Variants in SLC39A11 observed in about 807,000 individuals in gnomAD.
SLC39A11 encodes zinc transporter ZIP11.
SLC39A11 carries 33 observed loss-of-function variants against 36.1 expected under a neutral mutation model. That is an observed-to-expected ratio of 0.91 (90% CI 0.69 to 1.22). SLC39A11 has a LOEUF of 1.22. Among genes scored for constraint, SLC39A11 ranks in the 50% most tolerant of loss-of-function variants. The pLI, the probability that SLC39A11 is intolerant of heterozygous loss-of-function variation, is 0.00. For missense variants in SLC39A11, 432 were observed against 430.3 expected (o/e 1.00, Z -0.03); for synonymous variants, 166 against 170.3 (o/e 0.97, Z 0.20).
chr17:72,772,362 CTTTA>C (rs1393475297), intron 6 of SLC39A11, among the ~76,000 whole-genome samples: 3 of 152,232 alleles, frequency 2.0e-5, no homozygotes, highest in Non-Finnish European at 4.4e-5. Flanking sequence ...CATCTGCACC[CTTTA>C]TTTATCTCGA....
chr17:73,029,119 C>A (rs144362778), intron 4 of SLC39A11, among the ~76,000 whole-genome samples: 6,748 of 25,022 alleles, frequency 0.27, 293 homozygotes, highest in Non-Finnish European at 0.52. Context: ...CGCCGTCACA[C>A]ACACACAAAA....
intron 4 of SLC39A11, among the ~76,000 whole-genome samples, chr17:72,996,276 G>A (rs1352669942): frequency 6.6e-6 from 1 of 152,160 alleles, no homozygotes; most frequent in African/African-American, 2.4e-5. Context: ...TGAACGTTTG[G>A]CCTCAGGTTT....
chr17:72,892,587 C>T (rs1282891410), intron 5 of SLC39A11, among the ~76,000 whole-genome samples: 1 of 151,898 alleles, frequency 6.6e-6, no homozygotes, highest in South Asian at 2.1e-4. Context: ...AGTCTATTTC[C>T]CCACTGATTT....
At chr17:72,939,613 A>G (rs993538785) in intron 5 of SLC39A11, among the ~76,000 whole-genome samples, 7 of 152,294 alleles carry the variant, frequency 4.6e-5, no homozygotes, top group East Asian at 1.9e-4. Flanking sequence ...GACACACTTC[A>G]CAGACACACA....
intron 7 of SLC39A11, among the ~76,000 whole-genome samples, chr17:72,652,873 C>A (rs763550448): frequency 4.6e-5 from 7 of 152,144 alleles, no homozygotes; most frequent in Non-Finnish European, 1.0e-4. Flanking sequence ...TTCCTATATA[C>A]TGCTTGGTCT....
At chr17:72,877,505 G>A (rs375874673) in intron 5 of SLC39A11, among the ~76,000 whole-genome samples, 4 of 152,130 alleles carry the variant, frequency 2.6e-5, no homozygotes, top group Non-Finnish European at 4.4e-5. Context: ...CCTTTCTTTC[G>A]CAATCAGTTC....
chr17:73,037,401 C>A (rs2058956495), intron 3 of SLC39A11, among the ~76,000 whole-genome samples: 1 of 152,176 alleles, frequency 6.6e-6, no homozygotes, highest in South Asian at 2.1e-4. Flanking sequence ...CTAGCTGGTG[C>A]AGGAATAGAA....
intron 5 of SLC39A11, among the ~76,000 whole-genome samples, chr17:72,928,662 T>C (rs2084200766): frequency 6.6e-6 from 1 of 152,180 alleles, no homozygotes; most frequent in South Asian, 2.1e-4. Context: ...TTCACTCTCC[T>C]GCTTTGAGTC....
At chr17:72,871,692 G>GGT (rs1465578003) in intron 5 of SLC39A11, among the ~76,000 whole-genome samples, 3 of 152,192 alleles carry the variant, frequency 2.0e-5, no homozygotes, top group Non-Finnish European at 2.9e-5. Context: ...GCCTTGTCCT[G>GGT]TGTGTCTCTT....
chr17:72,882,888 C>T lies in SLC39A11; in HGVS notation c.431-33084G>A, dbSNP rs189280994. ...CTCAGCTCACCGCAACCTCTGTCTCCCAGGTTCAAGCGATTCTCCTGCCTC... is the reference window on the plus strand; with the variant it reads ...CTCAGCTCACCGCAACCTCTGTCTCTCAGGTTCAAGCGATTCTCCTGCCTC... On this transcript the variant is annotated intron_variant, in intron 5 of 9. Coordinates refer to ENST00000255559, the MANE Select transcript of SLC39A11 (RefSeq NM_139177.4). Among the ~76,000 whole-genome samples, 123 of 150,882 alleles carry T rather than the reference C, an allele frequency of 8.2e-4. No individual in the cohort carries two copies. In the East Asian group the frequency reaches 0.023, roughly 28 times the overall value.
intron 4 of SLC39A11, among the ~76,000 whole-genome samples, chr17:73,008,140 T>C (rs1467429120): frequency 4.9e-5 from 4 of 81,252 alleles, no homozygotes; most frequent in Non-Finnish European, 1.1e-4. Context: ...AAACATTTGT[T>C]GTTGGGGTTT....
intron 7 of SLC39A11, among the ~76,000 whole-genome samples, chr17:72,662,645 A>AAGAGAGAAAGAG (rs373566908): frequency 6.8e-6 from 1 of 147,544 alleles, no homozygotes; most frequent in African/African-American, 2.5e-5. Flanking sequence ...GAGAGAAAGA[A>AAGAGAGAAAGAG]AAAGAAAAAA....
intron 4 of SLC39A11, among the ~76,000 whole-genome samples, chr17:73,026,517 C>CAAAAAAAAAAAAAAA (rs548390962): frequency 1.3e-5 from 1 of 75,572 alleles, no homozygotes; most frequent in Non-Finnish European, 3.0e-5. Context: ...GAAACTACAT[C>CAAAAAAAAAAAAAAA]AAAAAAAAAA....
intron 7 of SLC39A11, among the ~76,000 whole-genome samples, chr17:72,697,179 A>G (rs995521711): frequency 6.6e-6 from 1 of 152,146 alleles, no homozygotes; most frequent in East Asian, 1.9e-4. Flanking sequence ...AACTCGAGAG[A>G]TCAGGTGATC....
At chr17:72,689,416 A>G (rs917994412) in intron 7 of SLC39A11, among the ~76,000 whole-genome samples, 2 of 103,054 alleles carry the variant, frequency 1.9e-5, no homozygotes, top group African/African-American at 6.2e-5. Context: ...CAGAATTACC[A>G]TATAAGTCAG....
chr17:73,056,357 C>T (rs761660890), intron 3 of SLC39A11, among the ~76,000 whole-genome samples: 11 of 151,996 alleles, frequency 7.2e-5, no homozygotes, highest in Non-Finnish European at 1.6e-4. Context: ...TTAGTGGAGA[C>T]GGGGTTTCAC....
chr17:72,753,328 C>G (rs2075227358), intron 6 of SLC39A11, among the ~76,000 whole-genome samples: 1 of 152,192 alleles, frequency 6.6e-6, no homozygotes, highest in African/African-American at 2.4e-5. Flanking sequence ...TGTTTGGGAA[C>G]TGGAGAATTG....
chr17:72,924,162 AT>A (rs34723416), intron 5 of SLC39A11, among the ~76,000 whole-genome samples: 9,243 of 120,312 alleles, frequency 0.077, 548 homozygotes, highest in African/African-American at 0.21. Flanking sequence ...AAAAAAAAAA[AT>A]TTTTTTTTTT....
chr17:72,991,549 G>A (rs571984065), intron 4 of SLC39A11, among the ~76,000 whole-genome samples: 1 of 152,070 alleles, frequency 6.6e-6, no homozygotes, highest in Non-Finnish European at 1.5e-5. Flanking sequence ...TTAGAGATGG[G>A]GGTTTCACCA....
Sources: allele counts gnomAD v4.1 joint callset (sites outside exome capture counted in the v4.1 genomes callset), GRCh38; gene constraint gnomAD v4.1.1; transcripts MANE v1.5; gene names NCBI Gene and HGNC (gene_info 2026-07-23, HGNC 2026-07-21).